Variants in CABLES1 observed in about 807,000 individuals in gnomAD.
The protein encoded by CABLES1 is Cdk5 and Abl enzyme substrate 1.
CABLES1 carries 36 observed loss-of-function variants against 57.8 expected under a neutral mutation model. The ratio of observed to expected loss-of-function variants is 0.62; its 90% confidence interval spans 0.48 to 0.82. The LOEUF (loss-of-function observed/expected upper bound fraction) is 0.82, where lower values mean the gene tolerates loss of function less well. CABLES1 is among the 40% of genes least tolerant of loss of function. The pLI, the probability that CABLES1 is intolerant of heterozygous loss-of-function variation, is 0.00. For synonymous variants in CABLES1, 374 were observed against 363.0 expected, an observed-to-expected ratio of 1.03 and a Z score of -0.35; for missense variants, 767 against 836.6, an observed-to-expected ratio of 0.92 and a Z score of 1.03.
At chr18:23,227,351 T>C (rs569093857) in intron 4 of CABLES1, among the ~76,000 whole-genome samples, 1 of 152,358 alleles carries the variant, frequency 6.6e-6, no homozygotes, top group Non-Finnish European at 1.5e-5. Context: ...CAGAGACAGA[T>C]TCTGGAATGA....
Position 23,191,306 on chromosome 18 carries a change from T to C in CABLES1, c.917+2397T>C, listed in dbSNP as rs56275796. Among the ~76,000 whole-genome samples, 633 of 152,308 alleles carry C rather than the reference T, an allele frequency of 4.2e-3. 3 individuals are homozygous for C. The highest frequency in any genetic ancestry group is 0.013 in the African/African-American group (560 of 41,550). ...TCATATTTACTTAGACATTCACTTATTCCTAGGAGTTATATTAGCATGATG... is the reference window on the plus strand; with the variant it reads ...TCATATTTACTTAGACATTCACTTACTCCTAGGAGTTATATTAGCATGATG... On this transcript the variant is annotated intron_variant, in intron 2 of 9. Transcript: ENST00000256925.
chr18:23,141,345 A>C (rs1334814754), intron 1 of CABLES1, among the ~76,000 whole-genome samples: 1 of 152,208 alleles, frequency 6.6e-6, no homozygotes, highest in Non-Finnish European at 1.5e-5. Context: ...CTTGACTGAA[A>C]AGAAAAATGT....
intron 3 of CABLES1, 53 bp downstream of exon 3, chr18:23,194,593 C>A: frequency 1.6e-6 from 2 of 1,214,682 alleles, no homozygotes; most frequent in Non-Finnish European, 2.4e-6. Flanking sequence ...GAGACAGGGA[C>A]TGGAGGAGGG....
intron 1 of CABLES1, among the ~76,000 whole-genome samples, chr18:23,159,165 A>G (rs972837483): frequency 3.3e-5 from 5 of 152,220 alleles, no homozygotes; most frequent in Non-Finnish European, 5.9e-5. Flanking sequence ...GGGTTTCGCC[A>G]TGTTGGCCAG....
intron 4 of CABLES1, among the ~76,000 whole-genome samples, chr18:23,229,396 G>A (rs1050451690): frequency 1.3e-5 from 2 of 152,026 alleles, no homozygotes; most frequent in African/African-American, 4.8e-5. Context: ...TAGGCAACAA[G>A]AGTAAAACTC....
chr18:23,219,311 A>T (rs925798286), intron 4 of CABLES1: 3 of 454,024 alleles, frequency 6.6e-6, no homozygotes, highest in Non-Finnish European at 1.3e-5. Flanking sequence ...AATAGCAAAA[A>T]CATTGAGTCC....
chr18:23,152,521 A>G (rs80206075), intron 1 of CABLES1, among the ~76,000 whole-genome samples: 3,120 of 122,594 alleles, frequency 0.025, 129 homozygotes, highest in African/African-American at 0.091. Flanking sequence ...GTCTCACTCT[A>G]TTTCCCAGGC....
chr18:23,195,399 A>G (rs1056077975), intron 3 of CABLES1, among the ~76,000 whole-genome samples: 1 of 152,204 alleles, frequency 6.6e-6, no homozygotes, highest in Non-Finnish European at 1.5e-5. Context: ...AGAAGACCAT[A>G]TGGGCCCCAC....
chr18:23,227,758 A>T (rs1244634684), intron 4 of CABLES1, among the ~76,000 whole-genome samples: 1 of 152,168 alleles, frequency 6.6e-6, no homozygotes, highest in Non-Finnish European at 1.5e-5. Context: ...TTTAGCTCAC[A>T]AGTGGTATTT....
chr18:23,194,655 G>T lies in CABLES1; in HGVS notation c.1010+115G>T, dbSNP rs945725976. 5 of 679,304 alleles carry T rather than the reference G, an allele frequency of 7.4e-6. No individual in the cohort carries two copies. In the East Asian group the frequency reaches 8.0e-5, roughly 11 times the overall value. The allele number at this position is 679,304 out of a possible 1,614,324, so 42.1% of individuals were successfully genotyped here. A position where few individuals can be genotyped will look rare whatever the true frequency, so the allele number is the denominator to read the frequency against. ...AAACGCAAGCCCACACTTTTAAGAT[G>T]AGCAGGATCTCATGGAACCTTCCCC... On this transcript the variant is annotated intron_variant, in intron 3 of 9. Coordinates refer to ENST00000256925, the MANE Select transcript of CABLES1 (RefSeq NM_001100619.3).
chr18:23,254,257 C>T (rs975694775), intron 9 of CABLES1, among the ~76,000 whole-genome samples: 3 of 152,238 alleles, frequency 2.0e-5, no homozygotes, highest in African/African-American at 7.2e-5. Flanking sequence ...GGCAGTGTGA[C>T]CCACAGAGCA....
At chr18:23,197,166 T>C (rs1437205213) in intron 3 of CABLES1, 1 of 152,268 alleles carries the variant, frequency 6.6e-6, no homozygotes, top group South Asian at 2.1e-4. Context: ...GAACCAGATA[T>C]AATAAAAGAC....
At chr18:23,200,407 C>A (rs540133519) in intron 3 of CABLES1, among the ~76,000 whole-genome samples, 5 of 152,002 alleles carry the variant, frequency 3.3e-5, no homozygotes, top group African/African-American at 9.7e-5. Flanking sequence ...CTACAGGCAC[C>A]CGCCACCATG....
upstream of CABLES1, among the ~76,000 whole-genome samples, chr18:23,134,916 T>C (rs74320227): frequency 2.3e-3 from 345 of 152,238 alleles, no homozygotes; most frequent in African/African-American, 7.8e-3. Flanking sequence ...CCAACTGCAA[T>C]GGTTGTTAGC....
chr18:23,170,254 A>G (rs781275503), intron 1 of CABLES1, among the ~76,000 whole-genome samples: 2 of 152,236 alleles, frequency 1.3e-5, no homozygotes, highest in African/African-American at 2.4e-5. Flanking sequence ...AGCAGAGTGC[A>G]TGGCGCAAAT....
At chr18:23,255,313 G>C (rs1280712705) in intron 9 of CABLES1, among the ~76,000 whole-genome samples, 1 of 100,812 alleles carries the variant, frequency 9.9e-6, no homozygotes, top group Non-Finnish European at 2.0e-5. Flanking sequence ...GGTTAAGTCA[G>C]TGCCCCCATA....
At chr18:23,193,095 G>T (rs1368137747) in intron 2 of CABLES1, among the ~76,000 whole-genome samples, 1 of 152,068 alleles carries the variant, frequency 6.6e-6, no homozygotes, top group Admixed American at 6.5e-5. Flanking sequence ...GGGTGGGGGA[G>T]TGTCAATCCC....
chr18:23,220,989 G>C (rs531608258), intron 4 of CABLES1, among the ~76,000 whole-genome samples: 1 of 152,288 alleles, frequency 6.6e-6, no homozygotes, highest in East Asian at 1.9e-4. Context: ...CCTGGCTCAT[G>C]ACCCTGAAGT....
chr18:23,253,180 G>A (rs1568095329), intron 8 of CABLES1, 114 bp downstream of exon 8: 3 of 658,540 alleles, frequency 4.6e-6, no homozygotes, highest in Non-Finnish European at 8.3e-6. Context: ...TTGAGTCATT[G>A]TCACATTCAG....
Sources: gnomAD v4.1 joint callset for allele counts (sites outside exome capture counted in the v4.1 genomes callset) on GRCh38, gnomAD v4.1.1 for gene constraint, MANE v1.5 for transcripts, NCBI Gene and HGNC (gene_info 2026-07-23, HGNC 2026-07-21) for gene names.